DLC1: variants seen among roughly 807,000 people sequenced by gnomAD.
The protein encoded by DLC1 is rho GTPase-activating protein 7.
DLC1 carries 54 observed loss-of-function variants against 140.3 expected under a neutral mutation model. That is an observed-to-expected ratio of 0.38 (90% CI 0.31 to 0.48). DLC1 has a LOEUF of 0.48. Ranked by LOEUF, DLC1 falls within the 20% of genes least tolerant of loss-of-function variation. The probability of loss-of-function intolerance (pLI) is 0.96; values close to 1 mark genes in which losing one functional copy is unlikely to be tolerated. For synonymous variants in DLC1, 986 were observed against 728.1 expected, an observed-to-expected ratio of 1.35 and a Z score of -5.70; for missense variants, 2,536 against 1,907.0, an observed-to-expected ratio of 1.33 and a Z score of -6.14.
intron 5 of DLC1, among the ~76,000 whole-genome samples, chr8:13,201,163 T>G (rs973570870): frequency 6.6e-6 from 1 of 151,954 alleles, no homozygotes; most frequent in Non-Finnish European, 1.5e-5. Flanking sequence ...AACAGCCTGT[T>G]TCTGATTTGT....
chr8:13,580,409 C>CCG (rs1805052113), intron 1 of DLC1, among the ~76,000 whole-genome samples: 1 of 152,216 alleles, frequency 6.6e-6, no homozygotes, highest in Non-Finnish European at 1.5e-5. Context: ...GCGTGAGCCA[C>CCG]CGCGCCCGGC....
intron 5 of DLC1, among the ~76,000 whole-genome samples, chr8:13,251,450 T>C (rs902694889): frequency 2.6e-5 from 4 of 152,218 alleles, no homozygotes; most frequent in Non-Finnish European, 4.4e-5. Flanking sequence ...CTAATCATTG[T>C]ATGGGCCATA....
At position 13,595,340 on chromosome 8, in the gene DLC1, C is replaced by T. The variant is rs1585314828; in HGVS notation, c.-126+9197G>A. On this transcript the variant is annotated intron_variant, in intron 1 of 1. Transcript: ENST00000631382. Reference sequence around the variant, plus strand: ...GTTCATTTTCATGAAAATGTGTGAACTGTCTTACCAACATCAGTGAGTGTA... The same window carrying T: ...GTTCATTTTCATGAAAATGTGTGAATTGTCTTACCAACATCAGTGAGTGTA... Among the ~76,000 whole-genome samples, 4 of 151,958 alleles carry T rather than the reference C, an allele frequency of 2.6e-5. No homozygotes were observed. In the South Asian group the frequency reaches 8.3e-4, roughly 31 times the overall value.
At chr8:13,305,937 G>A (rs1018645035) in intron 4 of DLC1, among the ~76,000 whole-genome samples, 9 of 152,200 alleles carry the variant, frequency 5.9e-5, no homozygotes, top group African/African-American at 2.2e-4. Context: ...ATTTTTGGGA[G>A]AGAGAAGCAA....
chr8:13,384,149 T>C (rs964732712), intron 4 of DLC1, among the ~76,000 whole-genome samples: 2 of 152,228 alleles, frequency 1.3e-5, no homozygotes, highest in African/African-American at 2.4e-5. Flanking sequence ...ATAATCGATA[T>C]AGCAGGCAAG....
chr8:13,445,894 C>A (rs1035096841), intron 2 of DLC1, among the ~76,000 whole-genome samples: 1 of 151,990 alleles, frequency 6.6e-6, no homozygotes, highest in African/African-American at 2.4e-5. Context: ...ACATTTTAGA[C>A]CCTTGGGCCC....
chr8:13,391,378 C>T (rs1023176601), intron 4 of DLC1, among the ~76,000 whole-genome samples: 1 of 152,164 alleles, frequency 6.6e-6, no homozygotes, highest in African/African-American at 2.4e-5. Flanking sequence ...ATACTACTCG[C>T]ATCCAATTTG....
intron 2 of DLC1, among the ~76,000 whole-genome samples, chr8:13,457,280 G>A (rs1441578008): frequency 6.6e-6 from 1 of 152,062 alleles, no homozygotes. Context: ...ATATGATTCT[G>A]TTTAGTAAAT....
intron 5 of DLC1, among the ~76,000 whole-genome samples, chr8:13,143,886 G>C (rs1350977576): frequency 1.3e-5 from 2 of 150,458 alleles, no homozygotes; most frequent in Non-Finnish European, 3.0e-5. Context: ...AGCCGTTTCA[G>C]CCCAGAGCTG....
At chr8:13,589,229 C>T (rs1339273593) in intron 1 of DLC1, among the ~76,000 whole-genome samples, 2 of 151,866 alleles carry the variant, frequency 1.3e-5, no homozygotes, top group East Asian at 1.9e-4. Context: ...CTTATGTATG[C>T]TTTTTTAATG....
chr8:13,295,941 T>TA (rs1831928952), intron 5 of DLC1, among the ~76,000 whole-genome samples: 1 of 129,848 alleles, frequency 7.7e-6, no homozygotes, highest in Admixed American at 9.2e-5. Context: ...TAAGATTCTT[T>TA]GTTTTTTTTT....
chr8:13,592,064 T>C (rs377375462), intron 1 of DLC1, among the ~76,000 whole-genome samples: 2 of 152,042 alleles, frequency 1.3e-5, no homozygotes, highest in Non-Finnish European at 2.9e-5. Flanking sequence ...AGGGAAAACC[T>C]GTGGATAGAG....
chr8:13,349,298 G>A (rs535055235), intron 4 of DLC1, among the ~76,000 whole-genome samples: 56 of 152,190 alleles, frequency 3.7e-4, no homozygotes, highest in African/African-American at 1.2e-3. Context: ...GGCTTTAGAT[G>A]TAAAAAGTGT....
chr8:13,420,563 C>A (rs1439617628), intron 2 of DLC1, among the ~76,000 whole-genome samples: 1 of 151,976 alleles, frequency 6.6e-6, no homozygotes, highest in African/African-American at 2.4e-5. Flanking sequence ...TCCCTTAACC[C>A]CCTCAACCCC....
At chr8:13,291,564 T>A (rs1831758159) in intron 5 of DLC1, among the ~76,000 whole-genome samples, 1 of 152,168 alleles carries the variant, frequency 6.6e-6, no homozygotes. Context: ...ATAGAAGTGA[T>A]CAGATATTTA....
chr8:13,482,276 C>G (rs920614296), intron 2 of DLC1, among the ~76,000 whole-genome samples: 1 of 152,116 alleles, frequency 6.6e-6, no homozygotes, highest in African/African-American at 2.4e-5. Flanking sequence ...GCATGTATTT[C>G]TAGTCATATA....
At chr8:13,334,424 G>A (rs953238211) in intron 4 of DLC1, among the ~76,000 whole-genome samples, 1 of 152,170 alleles carries the variant, frequency 6.6e-6, no homozygotes, top group Admixed American at 6.5e-5. Context: ...GCAGCTGGAA[G>A]TTCTAAGCAA....
intron 1 of DLC1, among the ~76,000 whole-genome samples, chr8:13,598,948 A>G (rs187414797): frequency 5.3e-5 from 8 of 151,970 alleles, no homozygotes; most frequent in Non-Finnish European, 1.0e-4. Flanking sequence ...GTAATATACA[A>G]TTTAAAATAA....
Position 13,244,904 on chromosome 8 carries a change from G to A in DLC1, c.1348+60365C>T, listed in dbSNP as rs535460448. Among the ~76,000 whole-genome samples the A allele has an allele frequency of 2.4e-4, 36 of 152,282 alleles. 1 individual carries two copies. Among genetic ancestry groups the A allele is most frequent in the South Asian group, 1.0e-3 (5 of 4,830 alleles). On this transcript the variant is annotated intron_variant, in intron 5 of 17. Transcript: ENST00000276297. ...AACCATTCCAGGCAAGAAGGAAGAC[G>A]GTTGCTTATACTATGCCAACATTTT...
Sources: allele counts gnomAD v4.1 joint callset (sites outside exome capture counted in the v4.1 genomes callset), GRCh38; gene constraint gnomAD v4.1.1; transcripts MANE v1.5; gene names NCBI Gene and HGNC (gene_info 2026-07-23, HGNC 2026-07-21).